Variants in JARID2 observed in about 807,000 individuals in gnomAD.
JARID2 encodes protein Jumonji.
JARID2 carries 21 observed loss-of-function variants against 125.6 expected under a neutral mutation model. The observed-to-expected ratio is 0.17, with a 90% confidence interval of 0.12 to 0.24. The LOEUF is 0.24. JARID2 is among the 10% of genes least tolerant of loss of function. JARID2 has a pLI of 1.00. For synonymous variants in JARID2, 736 were observed against 661.6 expected (o/e 1.11, Z -1.73); for missense variants, 1,303 against 1,639.6 (o/e 0.79, Z 3.55).
chr6:15,383,655 C>A (rs866139253), intron 2 of JARID2, among the ~76,000 whole-genome samples: 1 of 152,114 alleles, frequency 6.6e-6, no homozygotes, highest in Non-Finnish European at 1.5e-5. Flanking sequence ...AAACCCCTCA[C>A]GTTGGGCCAC....
At chr6:15,282,971 ATT>A (rs994935210) in intron 1 of JARID2, among the ~76,000 whole-genome samples, 4 of 149,412 alleles carry the variant, frequency 2.7e-5, no homozygotes, top group Admixed American at 6.7e-5. Flanking sequence ...CTATCTATCT[ATT>A]TTTTTATTTT....
chr6:15,478,841 T>C (rs1340026175), intron 5 of JARID2, among the ~76,000 whole-genome samples: 1 of 152,022 alleles, frequency 6.6e-6, no homozygotes, highest in African/African-American at 2.4e-5. Context: ...GGCTAATTTT[T>C]CTACTTTTAG....
chr6:15,469,548 T>G (rs1038537730), intron 5 of JARID2, among the ~76,000 whole-genome samples: 1 of 150,660 alleles, frequency 6.6e-6, no homozygotes, highest in Non-Finnish European at 1.5e-5. Context: ...TTATCCTGCC[T>G]CATCCTCCTG....
intron 5 of JARID2, among the ~76,000 whole-genome samples, chr6:15,474,343 A>C (rs1362114342): frequency 6.6e-6 from 1 of 152,240 alleles, no homozygotes; most frequent in Non-Finnish European, 1.5e-5. Context: ...TAGATGATTA[A>C]AATTACACTG....
At position 15,520,706 on chromosome 6, in the gene JARID2, C is replaced by CAG. The variant is rs70996556; in HGVS notation, c.*455_*456insAG. 1.8e-4 allele frequency: 80 copies of CAG among 453,702 alleles called. No homozygotes were observed. The highest frequency in any genetic ancestry group is 1.6e-3 in the African/African-American group (78 of 50,046). 28.1% of individuals were successfully genotyped at this position (453,702 alleles called of 1,614,324 possible). The stretch of plus-strand genomic sequence containing the variant: ...ACACACGCGCACACACACACACACA[C>CAG]GAAACTTGAAATGGCTTTGCTTTGG... On this transcript the variant is annotated 3_prime_UTR_variant, in exon 18 of 18. Transcript: ENST00000341776.
At chr6:15,428,215 T>C (rs1766814527) in intron 3 of JARID2, among the ~76,000 whole-genome samples, 2 of 152,314 alleles carry the variant, frequency 1.3e-5, no homozygotes, top group South Asian at 4.1e-4. Flanking sequence ...GAATATTTTT[T>C]CCTTTAGGCT....
intron 1 of JARID2, among the ~76,000 whole-genome samples, chr6:15,260,627 C>G (rs988334756): frequency 6.6e-6 from 1 of 152,180 alleles, no homozygotes; most frequent in South Asian, 2.1e-4. Context: ...TAAGAACTTG[C>G]AAAGCTTCAT....
intron 17 of JARID2, among the ~76,000 whole-genome samples, 166 bp downstream of exon 17, chr6:15,517,434 G>A (rs1771617569): frequency 1.3e-5 from 2 of 152,204 alleles, no homozygotes; most frequent in African/African-American, 4.8e-5. Context: ...CAGGCCCCAT[G>A]TTAGGATCCC....
At chr6:15,299,789 G>A (rs952223358) in intron 1 of JARID2, among the ~76,000 whole-genome samples, 1 of 152,116 alleles carries the variant, frequency 6.6e-6, no homozygotes, top group Non-Finnish European at 1.5e-5. Context: ...GGTGGGCTTG[G>A]GTGTGGGTGA....
intron 3 of JARID2, among the ~76,000 whole-genome samples, chr6:15,428,998 C>A (rs979346434): frequency 6.6e-6 from 1 of 150,482 alleles, no homozygotes; most frequent in South Asian, 2.1e-4. Flanking sequence ...TAGCTCCATC[C>A]TCATACTTAA....
intron 4 of JARID2, among the ~76,000 whole-genome samples, chr6:15,463,673 C>T (rs1215356568): frequency 6.6e-6 from 1 of 152,086 alleles, no homozygotes; most frequent in African/African-American, 2.4e-5. Context: ...CTCAGGTGAT[C>T]CTTCTGCCTT....
chr6:15,471,683 T>C (rs577742998), intron 5 of JARID2, among the ~76,000 whole-genome samples: 1 of 152,192 alleles, frequency 6.6e-6, no homozygotes, highest in South Asian at 2.1e-4. Context: ...TGCTGATTTT[T>C]CTCATGGATT....
intron 2 of JARID2, among the ~76,000 whole-genome samples, chr6:15,399,397 T>C (rs544322064): frequency 9.2e-5 from 14 of 152,322 alleles, no homozygotes; most frequent in African/African-American, 2.9e-4. Flanking sequence ...GGAATTGTAG[T>C]AGAGTATCTC....
intron 1 of JARID2, among the ~76,000 whole-genome samples, chr6:15,330,438 C>T (rs1049113559): frequency 4.6e-5 from 7 of 152,140 alleles, no homozygotes; most frequent in Non-Finnish European, 7.4e-5. Flanking sequence ...ACCACATTAC[C>T]GGAGGAAGTA....
chr6:15,507,453 T>C, intron 11 of JARID2, 37 bp downstream of exon 11: 3 of 1,568,124 alleles, frequency 1.9e-6, no homozygotes, highest in Non-Finnish European at 2.6e-6. Context: ...GTGGCAGCTG[T>C]GTCCATGAGT....
At chr6:15,426,164 C>T (rs1171350754) in intron 3 of JARID2, among the ~76,000 whole-genome samples, 2 of 152,144 alleles carry the variant, frequency 1.3e-5, no homozygotes, top group African/African-American at 2.4e-5. Context: ...ACCTGCCACT[C>T]AGGAAGGGCC....
chr6:15,478,974 G>A (rs1007820941), intron 5 of JARID2, among the ~76,000 whole-genome samples: 13 of 152,104 alleles, frequency 8.5e-5, no homozygotes, highest in Admixed American at 5.2e-4. Flanking sequence ...CGGATTTAGG[G>A]TTTTATGAAA....
At chr6:15,403,613 T>G (rs549801464) in intron 2 of JARID2, among the ~76,000 whole-genome samples, 2 of 152,204 alleles carry the variant, frequency 1.3e-5, no homozygotes, top group Non-Finnish European at 2.9e-5. Flanking sequence ...GACATTTTCC[T>G]TATCTACCCA....
chr6:15,249,037 G>A, intron 1 of JARID2: 2 of 779,388 alleles, frequency 2.6e-6, no homozygotes, highest in Non-Finnish European at 3.1e-6. Flanking sequence ...TGGGAAGCGG[G>A]GAGCGGGGAG....
Sources: allele counts gnomAD v4.1 joint callset (sites outside exome capture counted in the v4.1 genomes callset), GRCh38; gene constraint gnomAD v4.1.1; transcripts MANE v1.5; gene names NCBI Gene and HGNC (gene_info 2026-07-23, HGNC 2026-07-21).